The following C12orf75 variants were observed in gnomAD, a reference collection of about 807,000 sequenced individuals.
The protein encoded by C12orf75 is overexpressed in colon carcinoma 1 protein.
C12orf75 carries 4 observed loss-of-function variants against 11.4 expected under a neutral mutation model. The observed-to-expected ratio is 0.35, with a 90% CI of 0.17 to 0.80. The LOEUF (loss-of-function observed/expected upper bound fraction) is 0.80. Ranked by LOEUF, C12orf75 falls within the 30% of genes least tolerant of loss-of-function variation. The pLI, the probability that C12orf75 is intolerant of heterozygous loss-of-function variation, is 0.52. For missense variants in C12orf75, 89 were observed against 80.4 expected (o/e 1.11, Z -0.41); for synonymous variants, 30 against 30.0 (o/e 1.00, Z 0.00).
chr12:105,333,031 G>A (rs1029506782), intron 1 of C12orf75, among the ~76,000 whole-genome samples: 1 of 151,984 alleles, frequency 6.6e-6, no homozygotes, highest in Non-Finnish European at 1.5e-5. Flanking sequence ...CCTCCAGCTT[G>A]CTGTTTGCCA....
At chr12:105,343,799 A>G (rs943217134) in intron 1 of C12orf75, among the ~76,000 whole-genome samples, 4 of 151,830 alleles carry the variant, frequency 2.6e-5, no homozygotes, top group Non-Finnish European at 5.9e-5. Context: ...AGTAACCACC[A>G]TGTTACCTTG....
At chr12:105,347,120 G>A (rs1293390491) in intron 1 of C12orf75, among the ~76,000 whole-genome samples, 1 of 152,238 alleles carries the variant, frequency 6.6e-6, no homozygotes, top group African/African-American at 2.4e-5. Context: ...TTGGAACCAA[G>A]TCCTGTGCCT....
Position 105,339,902 on chromosome 12 carries a change from G to A in C12orf75, c.47-8700G>A, listed in dbSNP as rs527360654. Among the ~76,000 whole-genome samples, 4 of 152,076 alleles carry A rather than the reference G, an allele frequency of 2.6e-5. No homozygotes were observed. The South Asian group carries it at 6.2e-4, about 24-fold the overall frequency. On this transcript the variant is annotated intron_variant, in intron 1 of 5. Transcript: ENST00000443585. ...CCCAAAATGCTGGGATTACAGGCGT[G>A]AGCCACCATGCCTGGCCCTTGTTTC...
At position 105,360,763 on chromosome 12, in the gene C12orf75, G is replaced by A. The variant is rs1423210647; in HGVS notation, c.72-5044G>A. Among the ~76,000 whole-genome samples, 6 of 152,086 alleles carry A rather than the reference G, an allele frequency of 3.9e-5. No individual in the cohort carries two copies. The East Asian group carries it at 1.2e-3, about 29-fold the overall frequency. ...GTCTCCCGGGCTCAGGTGAACATCT[G>A]GGCTGCCTCATCTTAGATCTTTTTT... On this transcript the variant is annotated intron_variant, in intron 2 of 5. Transcript: ENST00000443585.
chr12:105,370,853 G>T lies in C12orf75; in HGVS notation c.*253G>T, dbSNP rs1228242029. ...TTCTGTGGCCACCTACGAAAGACAA[G>T]TTAACAAACTGTCATGGAGGCTGTT... On this transcript the variant is annotated 3_prime_UTR_variant, in exon 6 of 6. Coordinates refer to ENST00000443585, the MANE Select transcript of C12orf75 (RefSeq NM_001145199.2). 1 of 385,860 alleles carries T rather than the reference G, an allele frequency of 2.6e-6. No homozygotes were observed. The highest frequency in any genetic ancestry group is 5.3e-6 in the Non-Finnish European group (1 of 189,698). The allele number at this position is 385,860 out of a possible 1,614,324, so 23.9% of individuals were successfully genotyped here. A position where few individuals can be genotyped will look rare whatever the true frequency, so the allele number is the denominator to read the frequency against.
chr12:105,336,955 A>G (rs1892506570), intron 1 of C12orf75, among the ~76,000 whole-genome samples: 1 of 152,152 alleles, frequency 6.6e-6, no homozygotes. Context: ...CCCAGAATTG[A>G]TGGCATCCAA....
intron 4 of C12orf75, 36 bp downstream of exon 4, chr12:105,366,732 T>C (rs1055120575): frequency 2.7e-6 from 3 of 1,118,394 alleles, no homozygotes; most frequent in Non-Finnish European, 4.0e-6. Context: ...TTTCCCTAAT[T>C]ATTTATTTTT....
chr12:105,365,094 C>G (rs1006728542), intron 2 of C12orf75, among the ~76,000 whole-genome samples: 1 of 152,024 alleles, frequency 6.6e-6, no homozygotes, highest in African/African-American at 2.4e-5. Context: ...GCCTCGGCCT[C>G]CCAAAGTGCT....
intron 1 of C12orf75, among the ~76,000 whole-genome samples, chr12:105,347,366 G>A (rs1349493815): frequency 6.6e-6 from 1 of 152,238 alleles, no homozygotes; most frequent in Non-Finnish European, 1.5e-5. Flanking sequence ...TGAGGGGCAA[G>A]GAAGCCAGTC....
chr12:105,366,730 A>ATTAT (rs1871483627), intron 4 of C12orf75, 34 bp downstream of exon 4: 1 of 1,166,454 alleles, frequency 8.6e-7, no homozygotes, highest in Non-Finnish European at 1.2e-6. Context: ...ATTTTCCCTA[A>ATTAT]TTATTTATTT....
intron 2 of C12orf75, chr12:105,353,375 C>G (rs980525030): frequency 1.3e-5 from 2 of 152,240 alleles, no homozygotes; most frequent in African/African-American, 4.8e-5. Flanking sequence ...GGGCTGGGCT[C>G]TCTTGGCCCG....
At chr12:105,361,423 T>G (rs776962801) in intron 2 of C12orf75, among the ~76,000 whole-genome samples, 16 of 152,168 alleles carry the variant, frequency 1.1e-4, no homozygotes, top group Non-Finnish European at 2.2e-4. Flanking sequence ...TCCCAAAGAC[T>G]TAAAGTTTCT....
chr12:105,357,841 GAGAC>G (rs548894494), intron 2 of C12orf75, among the ~76,000 whole-genome samples: 122 of 149,204 alleles, frequency 8.2e-4, no homozygotes, highest in East Asian at 5.1e-3. Flanking sequence ...GAGAGAGAGA[GAGAC>G]AGACAGACAG....
chr12:105,356,067 T>G (rs1892777355), intron 2 of C12orf75, among the ~76,000 whole-genome samples: 1 of 152,118 alleles, frequency 6.6e-6, no homozygotes, highest in Admixed American at 6.5e-5. Flanking sequence ...TCCAAAGAAG[T>G]TTTGAAATTG....
chr12:105,340,780 C>T (rs1469201658), intron 1 of C12orf75, among the ~76,000 whole-genome samples: 1 of 151,918 alleles, frequency 6.6e-6, no homozygotes, highest in Non-Finnish European at 1.5e-5. Flanking sequence ...TCTGAGTAGG[C>T]TCTAAATCCA....
intron 2 of C12orf75, among the ~76,000 whole-genome samples, chr12:105,358,456 G>A (rs1490798073): frequency 6.6e-6 from 1 of 152,190 alleles, no homozygotes; most frequent in Non-Finnish European, 1.5e-5. Flanking sequence ...GAGAGGTTGA[G>A]GCTACAGTGA....
chr12:105,335,738 T>G (rs1426031352), intron 1 of C12orf75, among the ~76,000 whole-genome samples: 1 of 152,234 alleles, frequency 6.6e-6, no homozygotes, highest in Non-Finnish European at 1.5e-5. Context: ...GTTTATTTCT[T>G]GTCTCCTTTC....
At chr12:105,346,103 C>G (rs1202750790) in intron 1 of C12orf75, among the ~76,000 whole-genome samples, 2 of 152,148 alleles carry the variant, frequency 1.3e-5, no homozygotes, top group African/African-American at 2.4e-5. Flanking sequence ...TAAACTCTTT[C>G]AACCAATTGC....
intron 2 of C12orf75, among the ~76,000 whole-genome samples, chr12:105,354,699 C>G (rs1469720829): frequency 6.9e-6 from 1 of 145,294 alleles, no homozygotes; most frequent in African/African-American, 2.5e-5. Flanking sequence ...TCATATATTC[C>G]CATTGGTAGC....
Sources: gnomAD v4.1 joint callset for allele counts (sites outside exome capture counted in the v4.1 genomes callset) on GRCh38, gnomAD v4.1.1 for gene constraint, MANE v1.5 for transcripts, NCBI Gene and HGNC (gene_info 2026-07-23, HGNC 2026-07-21) for gene names.